Variants in PLXNC1 observed in about 807,000 individuals in gnomAD.
PLXNC1 encodes plexin C1, also known as plexin-C1.
Under a neutral mutation model 178.2 loss-of-function variants are expected in PLXNC1, and 75 were observed. The ratio of observed to expected loss-of-function variants is 0.42; its 90% CI spans 0.35 to 0.51. PLXNC1 has a LOEUF of 0.51. Ranked by LOEUF, PLXNC1 falls within the 20% of genes least tolerant of loss-of-function variation. The probability of loss-of-function intolerance (pLI) is 0.02; values close to 1 mark genes in which losing one functional copy is unlikely to be tolerated. For synonymous variants in PLXNC1, 790 were observed against 779.9 expected (o/e 1.01, Z -0.22); for missense variants, 1,503 against 1,984.4 (o/e 0.76, Z 4.61).
chr12:94,236,293 G>T (rs1288370008), intron 9 of PLXNC1, among the ~76,000 whole-genome samples: 1 of 152,214 alleles, frequency 6.6e-6, no homozygotes, highest in Admixed American at 6.5e-5. Flanking sequence ...CCAAAGCGCT[G>T]ATGAGTGATG....
At chr12:94,158,428 TC>T (rs1961257506) in intron 1 of PLXNC1, among the ~76,000 whole-genome samples, 1 of 152,202 alleles carries the variant, frequency 6.6e-6, no homozygotes, top group South Asian at 2.1e-4. Context: ...TGATGGTTGG[TC>T]CTCTAGACTT....
At chr12:94,173,199 C>G (rs892467779) in intron 2 of PLXNC1, among the ~76,000 whole-genome samples, 10 of 152,140 alleles carry the variant, frequency 6.6e-5, no homozygotes, top group Non-Finnish European at 1.5e-4. Flanking sequence ...ACGTGTTGCA[C>G]AATGTATGCA....
intron 1 of PLXNC1, among the ~76,000 whole-genome samples, chr12:94,160,845 A>G (rs1258675817): frequency 6.6e-6 from 1 of 152,246 alleles, no homozygotes; most frequent in Non-Finnish European, 1.5e-5. Flanking sequence ...TTTTTCAATT[A>G]AAGGTATAGT....
intron 2 of PLXNC1, among the ~76,000 whole-genome samples, chr12:94,170,263 T>C (rs1435940046): frequency 2.0e-5 from 3 of 152,170 alleles, no homozygotes; most frequent in Non-Finnish European, 2.9e-5. Context: ...ACAGTTCTAC[T>C]AGACAACCCA....
intron 4 of PLXNC1, among the ~76,000 whole-genome samples, chr12:94,190,037 G>C (rs755334465): frequency 6.6e-6 from 1 of 152,128 alleles, no homozygotes; most frequent in Non-Finnish European, 1.5e-5. Flanking sequence ...GTTGGAAAGA[G>C]AGAAGAAGGA....
chr12:94,209,031 G>C (rs1963387353), intron 4 of PLXNC1, among the ~76,000 whole-genome samples: 1 of 152,242 alleles, frequency 6.6e-6, no homozygotes, highest in South Asian at 2.1e-4. Flanking sequence ...GTATGTAGCA[G>C]ATGGTTATGG....
chr12:94,157,046 T>A (rs1961201341), intron 1 of PLXNC1, among the ~76,000 whole-genome samples: 1 of 152,226 alleles, frequency 6.6e-6, no homozygotes, highest in South Asian at 2.1e-4. Flanking sequence ...CTTTGGCTAC[T>A]AACTGGCAAT....
chr12:94,177,187 GTA>G (rs200258571), intron 2 of PLXNC1, among the ~76,000 whole-genome samples: 47,367 of 106,720 alleles, frequency 0.44, 9,986 homozygotes, highest in South Asian at 0.61. Flanking sequence ...GTATATATAT[GTA>G]TATATATATA....
intron 5 of PLXNC1, among the ~76,000 whole-genome samples, chr12:94,212,940 C>T (rs182134690): frequency 1.5e-4 from 23 of 152,236 alleles, no homozygotes; most frequent in African/African-American, 4.8e-4. Flanking sequence ...AAGATGGTCT[C>T]AATCTCCTGA....
chr12:94,303,715 T>C, intron 28 of PLXNC1, 41 bp from the exon 29 acceptor site: 1 of 1,085,256 alleles, frequency 9.2e-7, no homozygotes, highest in Non-Finnish European at 1.2e-6. Flanking sequence ...TTTTTTTTAC[T>C]CTTTTGGTGA....
intron 5 of PLXNC1, among the ~76,000 whole-genome samples, 177 bp from the exon 6 acceptor site, chr12:94,219,839 A>G (rs909984703): frequency 6.7e-6 from 1 of 149,898 alleles, no homozygotes; most frequent in Non-Finnish European, 1.5e-5. Context: ...TTATTTATTT[A>G]TTTATTTATG....
intron 24 of PLXNC1, among the ~76,000 whole-genome samples, 152 bp from the exon 25 acceptor site, chr12:94,297,036 CA>C (rs1391899354): frequency 1.3e-5 from 2 of 152,164 alleles, no homozygotes; most frequent in Non-Finnish European, 2.9e-5. Context: ...TAAGATGCAG[CA>C]GGGGGAAAAA....
At chr12:94,254,482 A>C (rs1005345861) in intron 15 of PLXNC1, 27 of 527,064 alleles carry the variant, frequency 5.1e-5, no homozygotes, top group Non-Finnish European at 5.1e-5. Context: ...CGTTTCAGCC[A>C]ACTGGGATCT....
At chr12:94,279,736 C>CTCCCTCCCTGT in intron 22 of PLXNC1, 87 bp downstream of exon 22, 1 of 1,172,390 alleles carries the variant, frequency 8.5e-7, no homozygotes, top group Non-Finnish European at 1.3e-6. Flanking sequence ...CCTCCCTGCC[C>CTCCCTCCCTGT]CCACCAGCTT....
In PLXNC1 at chr12:94,163,669, C is replaced by T. The variant is rs373727257; in HGVS notation, c.1063-5484C>T. On this transcript the variant is annotated intron_variant, in intron 1 of 30. Coordinates refer to ENST00000258526, the MANE Select transcript of PLXNC1 (RefSeq NM_005761.3). ...GCTTCACCACCTTGCATGCTTCCCA[C>T]GGCTGTGCTGCACACCAGTGATGTT... is the stretch of plus-strand genomic sequence containing the variant. 4.1e-4 allele frequency among the ~76,000 whole-genome samples: 62 copies of T among 152,208 alleles called. 1 individual carries two copies. The East Asian group carries it at 4.4e-3, about 11-fold the overall frequency.
intron 23 of PLXNC1, among the ~76,000 whole-genome samples, chr12:94,293,001 C>A (rs1396583685): frequency 6.6e-6 from 1 of 152,238 alleles, no homozygotes; most frequent in Non-Finnish European, 1.5e-5. Flanking sequence ...CTAATCACTA[C>A]CGCTGCTCTC....
At chr12:94,258,922 G>C (rs1964925425) in intron 17 of PLXNC1, among the ~76,000 whole-genome samples, 1 of 152,222 alleles carries the variant, frequency 6.6e-6, no homozygotes, top group Admixed American at 6.5e-5. Context: ...TGAAACAGTA[G>C]ATGCTACTTA....
In PLXNC1 at chr12:94,149,057, C is replaced by T. The variant is rs1960837996; in HGVS notation, c.86C>T (p.Ala29Val). 2.6e-6 allele frequency: 4 copies of T among 1,541,340 alleles called. No individual in the cohort carries two copies. Among genetic ancestry groups the T allele is most frequent in the Non-Finnish European group, 2.6e-6 (3 of 1,152,304 alleles). ...CTGCTCGCCTATCTGCTGGCACTGG[C>T]GGCTCCCGGCCGGGGCGCGGACGAG... ...LPLLAYLLAL[A>V]APGRGADEPV... The change falls in exon 1 of 31, where the codon GCG (alanine) becomes GTG (valine). Residue 29 changes from alanine (A) to valine (V), a missense_variant. Ala to Val is a moderately conservative substitution (Grantham distance 64). This residue lies in a region of PLXNC1 where 176 missense variants were observed against 180.7 expected (regional missense o/e 0.97). Coordinates refer to ENST00000258526, the MANE Select transcript of PLXNC1 (RefSeq NM_005761.3).
At chr12:94,228,410 G>A (rs576272483) in intron 9 of PLXNC1, among the ~76,000 whole-genome samples, 14 of 151,642 alleles carry the variant, frequency 9.2e-5, no homozygotes, top group South Asian at 8.3e-4. Context: ...TTGTTTTTTC[G>A]TTTTGATAAA....
Sources: gnomAD v4.1 joint callset for allele counts (sites outside exome capture counted in the v4.1 genomes callset) on GRCh38, gnomAD v4.1.1 for gene constraint, gnomAD v4.1.1 regional missense constraint, MANE v1.5 for transcripts, NCBI Gene and HGNC (gene_info 2026-07-23, HGNC 2026-07-21) for gene names.